The following KCNQ1 variants were observed in gnomAD, a reference collection of about 807,000 sequenced individuals.
The protein encoded by KCNQ1 is potassium voltage-gated channel subfamily KQT member 1.
A neutral mutation model predicts 72.4 loss-of-function variants in KCNQ1; 49 were observed. The observed-to-expected ratio is 0.68, with a 90% CI of 0.54 to 0.86. KCNQ1 has a LOEUF of 0.86. Ranked by LOEUF, KCNQ1 falls within the 40% of genes least tolerant of loss-of-function variation. The probability of loss-of-function intolerance (pLI) is 0.00; values close to 1 mark genes in which losing one functional copy is unlikely to be tolerated. For missense variants in KCNQ1, 790 were observed against 945.1 expected (o/e 0.84, Z 2.15); for synonymous variants, 450 against 412.6 (o/e 1.09, Z -1.10).
At chr11:2,757,748 A>G (rs1202679264) in intron 11 of KCNQ1, among the ~76,000 whole-genome samples, 2 of 152,270 alleles carry the variant, frequency 1.3e-5, no homozygotes, top group Admixed American at 6.5e-5. Context: ...GAATCCAGAA[A>G]TAGACACACG....
At position 2,617,683 on chromosome 11, in the gene KCNQ1, T is replaced by C. The variant is rs1849089901; in HGVS notation, c.1393+28829T>C. ...CACCAATCTACAGTCCCACCAACAC[T>C]GTACAAGAGTTCCCTAACCCTAGCC... On this transcript the variant is annotated intron_variant, in intron 10 of 15. Coordinates refer to ENST00000155840, the MANE Select transcript of KCNQ1 (RefSeq NM_000218.3). This position sits in a 1 kb window ranked among gnomAD's most constrained non-coding sequence, Gnocchi z 4.6. The C allele has an allele frequency of 2.5e-6, 1 of 398,404 alleles. No homozygotes were observed. The highest frequency in any genetic ancestry group is 4.4e-6 in the Non-Finnish European group (1 of 226,010). 24.7% of individuals were successfully genotyped at this position (398,404 alleles called of 1,614,324 possible).
At position 2,659,959 on chromosome 11, in the gene KCNQ1, A is replaced by G; in HGVS notation, c.1394-2002A>G. The G allele has an allele frequency of 2.5e-6, 1 of 398,458 alleles. No homozygotes were observed. 24.7% of individuals were successfully genotyped at this position (398,458 alleles called of 1,614,324 possible). ...GTGCAAGTCCTTGACCTGATAGGTG[A>G]TATGCAAATATTCTTTCCAAGTCTG... On this transcript the variant is annotated intron_variant, in intron 10 of 15. Transcript: ENST00000155840. This position sits in a 1 kb window ranked among gnomAD's most constrained non-coding sequence, Gnocchi z 4.3.
chr11:2,834,323 C>T (rs946283972), intron 15 of KCNQ1, among the ~76,000 whole-genome samples: 3 of 152,080 alleles, frequency 2.0e-5, no homozygotes, highest in Non-Finnish European at 4.4e-5. Context: ...AGGTGCGGTG[C>T]TGAGGCTGAG....
rs1296857941 is a variant in KCNQ1, at chr11:2,526,609, G to A, written c.387-1319G>A. Among the ~76,000 whole-genome samples the A allele has an allele frequency of 6.6e-6, 1 of 151,988 alleles. No homozygotes were observed. Among genetic ancestry groups the A allele is most frequent in the African/African-American group, 2.4e-5 (1 of 41,380 alleles). ...CTTCCCCAGAAACCTCCGTGCAGCA[G>A]GAGGATGAGCCGAGGCAGGCTGTGC... On this transcript the variant is annotated intron_variant, in intron 1 of 15. Transcript: ENST00000155840. The surrounding 1 kb of genome is among the most constrained non-coding windows in gnomAD (Gnocchi z 6.1).
At chr11:2,456,246 G>T (rs1362872478) in intron 1 of KCNQ1, among the ~76,000 whole-genome samples, 1 of 151,466 alleles carries the variant, frequency 6.6e-6, no homozygotes, top group Non-Finnish European at 1.5e-5. Context: ...GCTGAGGCAG[G>T]AGATTGCACC....
At position 2,538,610 on chromosome 11, in the gene KCNQ1, C is replaced by T. The variant is rs1408677188; in HGVS notation, c.477+10592C>T. ...GAAAGTGGGAATCCTGGGCTGGAAC[C>T]GGAACGTTCCCCGAGTACATAGGAA... On this transcript the variant is annotated intron_variant, in intron 2 of 15. Transcript: ENST00000155840. The surrounding 1 kb of genome is among the most constrained non-coding windows in gnomAD (Gnocchi z 6.7). Among the ~76,000 whole-genome samples, 1 of 152,014 alleles carries T rather than the reference C, an allele frequency of 6.6e-6. No homozygotes were observed. The highest frequency in any genetic ancestry group is 2.4e-5 in the African/African-American group (1 of 41,372).
chr11:2,617,506 T>A lies in KCNQ1; in HGVS notation c.1393+28652T>A. On this transcript the variant is annotated intron_variant, in intron 10 of 15. Transcript: ENST00000155840. This position sits in a 1 kb window ranked among gnomAD's most constrained non-coding sequence, Gnocchi z 4.6. ...GTTTTCATATCGTGACTCATGCATA[T>A]AATGCCACAATGAATATAGGAGCGC... 2.5e-6 allele frequency: 1 copy of A among 398,494 alleles called. No individual in the cohort carries two copies. The highest frequency in any genetic ancestry group is 4.4e-6 in the Non-Finnish European group (1 of 225,980). The allele number at this position is 398,494 out of a possible 1,614,324, so 24.7% of individuals were successfully genotyped here.
rs1229849691 is a variant in KCNQ1, at chr11:2,544,256, ATATGTGTGTGTG to A, written c.477+16240_477+16251del. The stretch of plus-strand genomic sequence containing the variant: ...TATATATGTGTGTGTGTGTATATAT[ATATGTGTGTGTG>A]TGTATATATATGTGTATATATATAT... On this transcript the variant is annotated intron_variant, in intron 2 of 15. Transcript: ENST00000155840. This position sits in a 1 kb window ranked among gnomAD's most constrained non-coding sequence, Gnocchi z 4.4. Among the ~76,000 whole-genome samples, 75 of 143,630 alleles carry A rather than the reference ATATGTGTGTGTG, an allele frequency of 5.2e-4. No homozygotes were observed. The highest frequency in any genetic ancestry group is 2.0e-3 in the African/African-American group (73 of 36,626). The allele number at this position is 143,630 out of a possible 152,430, so 94.2% of individuals were successfully genotyped here.
chr11:2,516,287 C>T lies in KCNQ1; in HGVS notation c.387-11641C>T, dbSNP rs1847287861. On this transcript the variant is annotated intron_variant, in intron 1 of 15. Transcript: ENST00000155840. This position sits in a 1 kb window ranked among gnomAD's most constrained non-coding sequence, Gnocchi z 7.0. ...ACAAAGGATGGGTCCACTTCTCAGGCTTCTCATGAAGTTTAGAGGCGACAG... is the reference window on the plus strand; with the variant it reads ...ACAAAGGATGGGTCCACTTCTCAGGTTTCTCATGAAGTTTAGAGGCGACAG... Among the ~76,000 whole-genome samples the T allele has an allele frequency of 6.6e-6, 1 of 152,106 alleles. No homozygotes were observed. The highest frequency in any genetic ancestry group is 2.4e-5 in the African/African-American group (1 of 41,418).
At chr11:2,649,831 C>T (rs1849730294) in intron 10 of KCNQ1, 2 of 398,302 alleles carry the variant, frequency 5.0e-6, no homozygotes, top group South Asian at 1.3e-4. Context: ...CTGTTAGTCT[C>T]TTTCTCTCCC....
intron 1 of KCNQ1, among the ~76,000 whole-genome samples, chr11:2,476,921 A>G (rs924369412): frequency 1.3e-5 from 2 of 152,164 alleles, no homozygotes; most frequent in Admixed American, 6.5e-5. Context: ...ACTCCTGAGC[A>G]CAAGTGATCC....
chr11:2,573,794 G>A (rs1848377437), intron 6 of KCNQ1, among the ~76,000 whole-genome samples: 1 of 152,220 alleles, frequency 6.6e-6, no homozygotes, highest in South Asian at 2.1e-4. Context: ...GTGTCTGTGG[G>A]GGCTTCCTTG....
intron 11 of KCNQ1, among the ~76,000 whole-genome samples, chr11:2,705,376 G>A (rs1173683463): frequency 6.6e-6 from 1 of 152,160 alleles, no homozygotes; most frequent in Non-Finnish European, 1.5e-5. Context: ...GCCAAGCCTT[G>A]ATTAGCCGAA....
chr11:2,749,014 T>C (rs954127422), intron 11 of KCNQ1, among the ~76,000 whole-genome samples: 5 of 151,658 alleles, frequency 3.3e-5, no homozygotes, highest in African/African-American at 1.2e-4. Context: ...GGAAAGAGAG[T>C]GGTGGCTGTG....
At chr11:2,596,464 T>G (rs1429771128) in intron 10 of KCNQ1, among the ~76,000 whole-genome samples, 2 of 152,140 alleles carry the variant, frequency 1.3e-5, no homozygotes. Context: ...TTGAATAGAT[T>G]TTTTTCAAAG....
chr11:2,539,380 A>G (rs1037244639), intron 2 of KCNQ1, among the ~76,000 whole-genome samples: 2 of 152,156 alleles, frequency 1.3e-5, no homozygotes, highest in African/African-American at 4.8e-5. Context: ...CAGGAGCGCA[A>G]TCTTTCCAGA....
chr11:2,588,344 T>G lies in KCNQ1; in HGVS notation c.1252-369T>G, dbSNP rs1444300266. ...ATTTCCACACAGCCTGCTCCCTCACTTCAGGCGCCCTCTTCATGCCCTGCT... is the reference window on the plus strand; with the variant it reads ...ATTTCCACACAGCCTGCTCCCTCACGTCAGGCGCCCTCTTCATGCCCTGCT... On this transcript the variant is annotated intron_variant, in intron 9 of 15. Coordinates refer to ENST00000155840, the MANE Select transcript of KCNQ1 (RefSeq NM_000218.3). The surrounding 1 kb of genome is among the most constrained non-coding windows in gnomAD (Gnocchi z 5.6). 6.6e-6 allele frequency among the ~76,000 whole-genome samples: 1 copy of G among 152,156 alleles called. No individual in the cohort carries two copies. Among genetic ancestry groups the G allele is most frequent in the Non-Finnish European group, 1.5e-5 (1 of 68,012 alleles).
At chr11:2,472,184 T>A (rs1846489985) in intron 1 of KCNQ1, among the ~76,000 whole-genome samples, 1 of 151,142 alleles carries the variant, frequency 6.6e-6, no homozygotes, top group Non-Finnish European at 1.5e-5. Flanking sequence ...TGTGTGTATA[T>A]GTGCATGTCT....
At chr11:2,804,102 C>A (rs891004700) in intron 15 of KCNQ1, among the ~76,000 whole-genome samples, 3 of 152,108 alleles carry the variant, frequency 2.0e-5, no homozygotes, top group Non-Finnish European at 4.4e-5. Flanking sequence ...CTGCAGGGAC[C>A]CACTGGATTC....
Sources: gnomAD v4.1 joint callset for allele counts (sites outside exome capture counted in the v4.1 genomes callset) on GRCh38, gnomAD v4.1.1 for gene constraint, Gnocchi (gnomAD v3.1) non-coding constraint, MANE v1.5 for transcripts, NCBI Gene and HGNC (gene_info 2026-07-23, HGNC 2026-07-21) for gene names.